The following ZNF365 variants were observed in gnomAD, a reference collection of about 807,000 sequenced individuals.
The protein encoded by ZNF365 is protein ZNF365.
Under a neutral mutation model 35.0 loss-of-function variants are expected in ZNF365, and 22 were observed. The ratio of observed to expected loss-of-function variants is 0.63; its 90% confidence interval spans 0.45 to 0.90. The LOEUF (loss-of-function observed/expected upper bound fraction) is 0.90. Among genes scored for constraint, ZNF365 ranks in the 40% least tolerant of loss-of-function variants. The pLI, the probability that ZNF365 is intolerant of heterozygous loss-of-function variation, is 0.00. For synonymous variants in ZNF365, 188 were observed against 196.2 expected, an observed-to-expected ratio of 0.96 and a Z score of 0.35; for missense variants, 448 against 500.3, an observed-to-expected ratio of 0.90 and a Z score of 1.00.
At chr10:62,392,466 A>G (rs1385893518) in intron 3 of ZNF365, among the ~76,000 whole-genome samples, 1 of 152,180 alleles carries the variant, frequency 6.6e-6, no homozygotes, top group Non-Finnish European at 1.5e-5. Context: ...TGGCTTGCCA[A>G]TTATGCCAGC....
intron 3 of ZNF365, among the ~76,000 whole-genome samples, chr10:62,458,140 A>T (rs1840790611): frequency 6.6e-6 from 1 of 152,176 alleles, no homozygotes; most frequent in African/African-American, 2.4e-5. Flanking sequence ...CCTTCTGTTA[A>T]TCACTTGGTT....
intron 3 of ZNF365, among the ~76,000 whole-genome samples, chr10:62,450,646 A>G (rs1291998430): frequency 1.3e-5 from 2 of 152,240 alleles, no homozygotes; most frequent in African/African-American, 4.8e-5. Context: ...GGAAAAAGCA[A>G]AGAAACAGAA....
At chr10:62,426,326 G>A (rs1840249803) in intron 3 of ZNF365, among the ~76,000 whole-genome samples, 1 of 151,996 alleles carries the variant, frequency 6.6e-6, no homozygotes, top group South Asian at 2.1e-4. Flanking sequence ...CCACTCCCCT[G>A]TCCAGAAGCC....
Position 62,388,538 on chromosome 10 carries a change from C to G in ZNF365, c.886C>G (p.Gln296Glu). Residue 296 changes from glutamine (Q) to glutamate (E), a missense_variant, in exon 3 of 5, where the codon CAG becomes GAG. Around this residue, in one of 3 missense-constraint regions of ZNF365, gnomAD observed 362 missense variants for 375.7 expected, o/e 0.96. Transcript: ENST00000395254. ...GCAGCTTGAGTACTATCAGAGCCAG[C>G]AGGCCTCTGGCTTTGTCCGTGATCT... is the stretch of plus-strand genomic sequence containing the variant. Reference protein sequence around the residue: ...EKQLEYYQSQQASGFVRDLSG... With the variant: ...EKQLEYYQSQEASGFVRDLSG... The G allele has an allele frequency of 6.2e-7, 1 of 1,614,078 alleles. No homozygotes were observed. Among genetic ancestry groups the G allele is most frequent in the Non-Finnish European group, 8.5e-7 (1 of 1,180,018 alleles).
chr10:62,436,851 T>C (rs1315512109), intron 3 of ZNF365, among the ~76,000 whole-genome samples: 1 of 152,180 alleles, frequency 6.6e-6, no homozygotes, highest in East Asian at 1.9e-4. Context: ...ACTGTTTATA[T>C]CATAAGTTGG....
intron 3 of ZNF365, among the ~76,000 whole-genome samples, chr10:62,432,034 C>T (rs1840342281): frequency 6.6e-6 from 1 of 152,118 alleles, no homozygotes; most frequent in Non-Finnish European, 1.5e-5. Context: ...GGGATCCCAG[C>T]TTTCACATCT....
At chr10:62,427,879 C>A (rs1312029622) in intron 3 of ZNF365, among the ~76,000 whole-genome samples, 2 of 152,112 alleles carry the variant, frequency 1.3e-5, no homozygotes, top group Non-Finnish European at 2.9e-5. Flanking sequence ...CAACTGCTTG[C>A]CTCTTGCAGA....
chr10:62,465,448 C>T (rs763064207), intron 4 of ZNF365, among the ~76,000 whole-genome samples: 1 of 152,154 alleles, frequency 6.6e-6, no homozygotes, highest in Non-Finnish European at 1.5e-5. Flanking sequence ...AGTGAAAACC[C>T]ACCTTCAAGC....
chr10:62,398,190 A>G (rs769662341), intron 3 of ZNF365, among the ~76,000 whole-genome samples: 5 of 152,246 alleles, frequency 3.3e-5, no homozygotes, highest in Non-Finnish European at 5.9e-5. Flanking sequence ...AAAATATGGA[A>G]TCAGCCTAAG....
intron 3 of ZNF365, among the ~76,000 whole-genome samples, chr10:62,415,839 C>A (rs1167653934): frequency 1.3e-5 from 2 of 152,128 alleles, no homozygotes; most frequent in African/African-American, 4.8e-5. Context: ...TTAAAATTTG[C>A]AAATGCCCCT....
Position 62,376,373 on chromosome 10 carries a change from A to G in ZNF365, c.180A>G (p.Thr60=). 2 of 1,614,112 alleles carry G rather than the reference A, an allele frequency of 1.2e-6. No individual in the cohort carries two copies. The highest frequency in any genetic ancestry group is 1.7e-6 in the Non-Finnish European group (2 of 1,179,960). Residue 60 remains threonine, a synonymous_variant, in exon 2 of 5, where the codon ACA becomes ACG. Transcript: ENST00000395254. Reference sequence around the variant, plus strand: ...GCTACGAAGAAAGAACCCTCTTGACAAAATGCAGTCTCTTTCCATCCCTCA... The same window carrying G: ...GCTACGAAGAAAGAACCCTCTTGACGAAATGCAGTCTCTTTCCATCCCTCA... ...SHSYEERTLL[T]KCSLFPSLKD... is the part of the protein sequence containing the mutation.
At chr10:62,442,140 T>C (rs981757874) in intron 3 of ZNF365, among the ~76,000 whole-genome samples, 5 of 152,194 alleles carry the variant, frequency 3.3e-5, no homozygotes, top group Admixed American at 6.5e-5. Context: ...CAGAGCCTTA[T>C]ATGGAAACAG....
intron 3 of ZNF365, among the ~76,000 whole-genome samples, chr10:62,442,696 A>G (rs553768930): frequency 2.3e-4 from 35 of 152,316 alleles, no homozygotes; most frequent in African/African-American, 8.4e-4. Flanking sequence ...CACATAGGCT[A>G]TGGTGGACTC....
In ZNF365 at chr10:62,400,190, G is replaced by A. The variant is rs1431629076; in HGVS notation, c.*401G>A. On this transcript the variant is annotated 3_prime_UTR_variant, in exon 5 of 5. Coordinates refer to ENST00000395254, the MANE Select transcript of ZNF365 (RefSeq NM_014951.3). Reference sequence around the variant, plus strand: ...GTGCCCACTGCTCTCCAAAGTGCGAGGCAAGGAATGGCAGTGTAAAGTTCT... The same window carrying A: ...GTGCCCACTGCTCTCCAAAGTGCGAAGCAAGGAATGGCAGTGTAAAGTTCT... The A allele has an allele frequency of 1.0e-6, 1 of 1,003,896 alleles. No individual in the cohort carries two copies. Among genetic ancestry groups the A allele is most frequent in the Non-Finnish European group, 1.2e-6 (1 of 840,526 alleles). The allele number at this position is 1,003,896 out of a possible 1,614,324, so 62.2% of individuals were successfully genotyped here.
intron 3 of ZNF365, among the ~76,000 whole-genome samples, chr10:62,415,267 A>G (rs1840055942): frequency 6.6e-6 from 1 of 152,040 alleles, no homozygotes; most frequent in Non-Finnish European, 1.5e-5. Flanking sequence ...TAAGAATTAT[A>G]TAGGCTCCAG....
At chr10:62,407,083 A>G (rs920405613), downstream of ZNF365, among the ~76,000 whole-genome samples, 13 of 152,260 alleles carry the variant, frequency 8.5e-5, no homozygotes, top group African/African-American at 3.1e-4. Context: ...GGGTCCTTCC[A>G]GCAAGGGCTG....
chr10:62,443,012 G>A (rs139706979), intron 3 of ZNF365, among the ~76,000 whole-genome samples: 6 of 152,288 alleles, frequency 3.9e-5, no homozygotes, highest in African/African-American at 1.4e-4. Flanking sequence ...GCACTCAACA[G>A]TGCTCCCTGC....
intron 3 of ZNF365, among the ~76,000 whole-genome samples, chr10:62,456,681 C>T (rs766662464): frequency 2.2e-4 from 34 of 152,194 alleles, no homozygotes; most frequent in South Asian, 4.1e-4. Flanking sequence ...TCAGTCTGCA[C>T]ACTTCATCTT....
chr10:62,456,324 G>A (rs1840760073), intron 3 of ZNF365, among the ~76,000 whole-genome samples: 1 of 151,774 alleles, frequency 6.6e-6, no homozygotes, highest in Admixed American at 6.6e-5. Flanking sequence ...CCTTTCCCAT[G>A]ATCATCTCCA....
Sources: allele counts gnomAD v4.1 joint callset (sites outside exome capture counted in the v4.1 genomes callset), GRCh38; gene constraint gnomAD v4.1.1; regional missense constraint gnomAD v4.1.1; transcripts MANE v1.5; gene names NCBI Gene and HGNC (gene_info 2026-07-23, HGNC 2026-07-21).